Variants in TJP1 observed in about 807,000 individuals in gnomAD.
The protein encoded by TJP1 is tight junction protein 1.
A neutral mutation model predicts 194.2 loss-of-function variants in TJP1; 43 were observed. The observed-to-expected ratio is 0.22, with a 90% CI of 0.17 to 0.29. The LOEUF is 0.29. Ranked by LOEUF, TJP1 falls within the 10% of genes least tolerant of loss-of-function variation. TJP1 has a pLI of 1.00. For synonymous variants in TJP1, 801 were observed against 779.0 expected, an observed-to-expected ratio of 1.03 and a Z score of -0.47; for missense variants, 1,971 against 2,185.7, an observed-to-expected ratio of 0.90 and a Z score of 1.96.
intron 2 of TJP1, among the ~76,000 whole-genome samples, chr15:29,883,039 A>G (rs956503205): frequency 1.3e-5 from 2 of 152,278 alleles, no homozygotes; most frequent in South Asian, 2.1e-4. Flanking sequence ...ATTAACAGGG[A>G]AAAAAATGCC....
At chr15:29,905,626 T>C (rs886590238) in intron 2 of TJP1, among the ~76,000 whole-genome samples, 8 of 152,212 alleles carry the variant, frequency 5.3e-5, no homozygotes, top group African/African-American at 1.9e-4. Flanking sequence ...CTCAAACAGG[T>C]GAATGAATAA....
intron 2 of TJP1, among the ~76,000 whole-genome samples, chr15:29,854,573 C>T (rs2051771552): frequency 6.6e-6 from 1 of 152,146 alleles, no homozygotes; most frequent in African/African-American, 2.4e-5. Flanking sequence ...ACACATTCTC[C>T]CCTGGCTCTC....
intron 1 of TJP1, among the ~76,000 whole-genome samples, chr15:29,803,921 GTAAT>G: frequency 6.6e-6 from 1 of 151,896 alleles, no homozygotes; most frequent in African/African-American, 2.4e-5. Context: ...GTAGAAGAAA[GTAAT>G]TGAGAATGAA....
chr15:29,718,856 C>T lies in TJP1; in HGVS notation c.3286G>A (p.Asp1096Asn), dbSNP rs373713203. The change falls in exon 21 of 28, where the codon GAC becomes AAC. Residue 1096 changes from aspartate to asparagine, a missense_variant. Physicochemically the swap from Asp to Asn is conservative, Grantham distance 23 (BLOSUM62 1). Transcript: ENST00000614355. ...MYEEQWSYYDDKQPYPSRPPF... is the reference protein window; with the variant it reads ...MYEEQWSYYDNKQPYPSRPPF... ...GGCCGAGATGGGTAGGGCTGTTTGT[C>T]ATCATAATATGACCACTGTTCTTCA... 81 of 1,614,048 alleles carry T rather than the reference C, an allele frequency of 5.0e-5. No individual in the cohort carries two copies. Among genetic ancestry groups the T allele is most frequent in the Non-Finnish European group, 5.9e-5 (70 of 1,180,036 alleles).
At chr15:29,803,096 T>C (rs1222010971) in intron 1 of TJP1, among the ~76,000 whole-genome samples, 2 of 152,168 alleles carry the variant, frequency 1.3e-5, no homozygotes, top group Non-Finnish European at 2.9e-5. Flanking sequence ...ATAAACAAAA[T>C]GTTAACATTG....
intron 2 of TJP1, among the ~76,000 whole-genome samples, chr15:29,935,682 C>T (rs1596286984): frequency 6.6e-6 from 1 of 152,104 alleles, no homozygotes; most frequent in African/African-American, 2.4e-5. Flanking sequence ...AATGCTTAGG[C>T]CAAGGCTCTT....
chr15:29,905,297 A>G (rs1277618343), intron 2 of TJP1, among the ~76,000 whole-genome samples: 1 of 152,236 alleles, frequency 6.6e-6, no homozygotes, highest in Non-Finnish European at 1.5e-5. Context: ...AGTTTATTCT[A>G]AGGAGATAAT....
intron 8 of TJP1, among the ~76,000 whole-genome samples, chr15:29,745,999 T>C (rs1296568042): frequency 4.6e-5 from 7 of 152,206 alleles, no homozygotes; most frequent in African/African-American, 1.7e-4. Flanking sequence ...ATTTGATCTA[T>C]TTCACTTGTT....
intron 18 of TJP1, among the ~76,000 whole-genome samples, chr15:29,721,428 T>C (rs1196505632): frequency 1.3e-5 from 2 of 152,104 alleles, no homozygotes; most frequent in African/African-American, 4.8e-5. Flanking sequence ...TCCTTCCCCT[T>C]CCGCCACGAT....
At chr15:29,733,757 A>C (rs963723020) in intron 12 of TJP1, among the ~76,000 whole-genome samples, 8 of 152,184 alleles carry the variant, frequency 5.3e-5, no homozygotes, top group Non-Finnish European at 1.2e-4. Context: ...TAGTGAGCAG[A>C]GGCTAGGAAT....
At chr15:29,947,633 T>C (rs575929270) in intron 2 of TJP1, among the ~76,000 whole-genome samples, 3 of 152,240 alleles carry the variant, frequency 2.0e-5, no homozygotes, top group African/African-American at 4.8e-5. Flanking sequence ...GAACAGAAAA[T>C]GGCAATGTGA....
chr15:29,899,432 A>G (rs1005073255), intron 2 of TJP1, among the ~76,000 whole-genome samples: 5 of 152,016 alleles, frequency 3.3e-5, no homozygotes, highest in Non-Finnish European at 7.4e-5. Context: ...TTACTTTCCT[A>G]CTTCATTTAC....
chr15:29,964,306 G>T (rs1211540837), intron 1 of TJP1, among the ~76,000 whole-genome samples: 1 of 152,140 alleles, frequency 6.6e-6, no homozygotes, highest in African/African-American at 2.4e-5. Context: ...GCCTGCAGAA[G>T]AATCTGTCTG....
chr15:29,898,643 T>C (rs966245226), intron 2 of TJP1, among the ~76,000 whole-genome samples: 3 of 152,220 alleles, frequency 2.0e-5, no homozygotes, highest in Non-Finnish European at 4.4e-5. Flanking sequence ...AAATCTGAAA[T>C]GCTTCAAAAT....
At chr15:29,900,764 A>G (rs898158521) in intron 2 of TJP1, among the ~76,000 whole-genome samples, 1 of 152,218 alleles carries the variant, frequency 6.6e-6, no homozygotes, top group African/African-American at 2.4e-5. Context: ...TACAAACTCT[A>G]TTGAATTTCT....
At chr15:29,817,630 T>C (rs779219685) in intron 1 of TJP1, among the ~76,000 whole-genome samples, 1 of 152,184 alleles carries the variant, frequency 6.6e-6, no homozygotes, top group Admixed American at 6.5e-5. Context: ...GGTACATATA[T>C]ACACCATGGT....
At chr15:29,822,546 C>A, upstream of TJP1, 1 of 542,332 alleles carries the variant, frequency 1.8e-6, no homozygotes, top group Non-Finnish European at 2.3e-6. Context: ...CGAGGCGAGG[C>A]GGGGAGGGGG....
At chr15:29,894,053 GT>G (rs2053399520) in intron 2 of TJP1, among the ~76,000 whole-genome samples, 1 of 152,210 alleles carries the variant, frequency 6.6e-6, no homozygotes, top group Admixed American at 6.5e-5. Context: ...ACCAGGTCTA[GT>G]TTTTACTGGT....
chr15:29,902,314 G>A (rs1303193734), intron 2 of TJP1, among the ~76,000 whole-genome samples: 1 of 151,786 alleles, frequency 6.6e-6, no homozygotes, highest in East Asian at 1.9e-4. Flanking sequence ...TAGACTACGC[G>A]CCCAGTATCA....
Sources: gnomAD v4.1 joint callset for allele counts (sites outside exome capture counted in the v4.1 genomes callset) on GRCh38, gnomAD v4.1.1 for gene constraint, MANE v1.5 for transcripts, NCBI Gene and HGNC (gene_info 2026-07-23, HGNC 2026-07-21) for gene names.